Variants in JAK1 observed in about 807,000 individuals in gnomAD.
The protein encoded by JAK1 is tyrosine-protein kinase JAK1.
A neutral mutation model predicts 136.6 loss-of-function variants in JAK1; 16 were observed. The observed-to-expected ratio is 0.12, with a 90% CI of 0.08 to 0.18. The LOEUF (loss-of-function observed/expected upper bound fraction) is 0.18. Among genes scored for constraint, JAK1 ranks in the 10% least tolerant of loss-of-function variants. JAK1 has a pLI of 1.00. For missense variants in JAK1, 859 were observed against 1,450.1 expected, an observed-to-expected ratio of 0.59 and a Z score of 6.62; for synonymous variants, 492 against 519.5, an observed-to-expected ratio of 0.95 and a Z score of 0.72.
intron 1 of JAK1, among the ~76,000 whole-genome samples, chr1:64,891,719 T>C (rs1440058772): frequency 1.3e-5 from 2 of 152,212 alleles, no homozygotes; most frequent in Non-Finnish European, 2.9e-5. Context: ...CATCACAAGA[T>C]ACTGTAAAGC....
chr1:65,031,544 G>C (rs1278277617), intron 2 of JAK1, among the ~76,000 whole-genome samples: 1 of 152,210 alleles, frequency 6.6e-6, no homozygotes, highest in Admixed American at 6.5e-5. Flanking sequence ...TTTGACCTGG[G>C]AAAGTCAAAC....
chr1:64,841,276 C>T lies in JAK1; in HGVS notation c.2618G>A (p.Arg873His), dbSNP rs1358494508. The change falls in exon 19 of 25, where the codon CGC becomes CAC. Residue 873 changes from arginine to histidine, a missense_variant. By Grantham distance (29) the Arg-to-His change is conservative. Transcript: ENST00000342505. ...TEVDPTHFEK[R>H]FLKRIRDLGE... ...CAAGTCACGGATCCTCTTTAGGAAG[C>T]GCTTTTCAAAATGTGTGGGGTCCAC... 2 of 1,614,004 alleles carry T rather than the reference C, an allele frequency of 1.2e-6. No homozygotes were observed. Among genetic ancestry groups the T allele is most frequent in the East Asian group, 2.2e-5 (1 of 44,878 alleles).
intron 2 of JAK1, among the ~76,000 whole-genome samples, chr1:65,001,961 G>A (rs139649040): frequency 1.3e-5 from 2 of 151,886 alleles, no homozygotes. Flanking sequence ...ATGTCCCCAG[G>A]AGTGCTGCAA....
chr1:65,062,368 C>T (rs1030083733), intron 1 of JAK1, among the ~76,000 whole-genome samples: 1 of 152,238 alleles, frequency 6.6e-6, no homozygotes, highest in Non-Finnish European at 1.5e-5. Context: ...TGATCCACCC[C>T]TGGCTAAACA....
chr1:64,946,819 CCAA>C (rs1236946542), intron 1 of JAK1, among the ~76,000 whole-genome samples: 5 of 152,122 alleles, frequency 3.3e-5, no homozygotes, highest in African/African-American at 1.2e-4. Flanking sequence ...ACCCAAGCAT[CCAA>C]CAACATAGAT....
At chr1:65,015,732 T>C (rs1036517976) in intron 2 of JAK1, among the ~76,000 whole-genome samples, 9 of 152,192 alleles carry the variant, frequency 5.9e-5, no homozygotes, top group African/African-American at 2.2e-4. Context: ...TTTATGTTAA[T>C]AGTACACAAA....
At chr1:64,853,939 G>A (rs1316978001) in intron 11 of JAK1, among the ~76,000 whole-genome samples, 1 of 152,186 alleles carries the variant, frequency 6.6e-6, no homozygotes, top group Non-Finnish European at 1.5e-5. Flanking sequence ...CCTCAACTGG[G>A]GTTCGTTCCA....
At chr1:64,930,947 A>G (rs1183002798) in intron 1 of JAK1, among the ~76,000 whole-genome samples, 1 of 146,138 alleles carries the variant, frequency 6.8e-6, no homozygotes, top group Admixed American at 6.8e-5. Flanking sequence ...GAGTTGAACA[A>G]TGAGAACACA....
At chr1:64,924,165 T>C (rs549544808) in intron 1 of JAK1, among the ~76,000 whole-genome samples, 32 of 152,302 alleles carry the variant, frequency 2.1e-4, no homozygotes, top group African/African-American at 7.2e-4. Flanking sequence ...ATAAAAATGG[T>C]AAACAGCTTT....
chr1:64,988,954 A>ATATG (rs140231656), intron 2 of JAK1, among the ~76,000 whole-genome samples: 2 of 132,154 alleles, frequency 1.5e-5, no homozygotes, highest in Non-Finnish European at 3.4e-5. Context: ...ATGTGTATAT[A>ATATG]TATGTATGTA....
At chr1:64,855,744 G>A in intron 10 of JAK1, 46 bp from the exon 11 acceptor site, 2 of 1,536,808 alleles carry the variant, frequency 1.3e-6, no homozygotes, top group Non-Finnish European at 1.8e-6. Context: ...ATGGGGTCAG[G>A]CATGGGTATG....
At chr1:64,914,677 C>T (rs1305084859) in intron 1 of JAK1, among the ~76,000 whole-genome samples, 1 of 152,170 alleles carries the variant, frequency 6.6e-6, no homozygotes, top group Non-Finnish European at 1.5e-5. Flanking sequence ...GATTCTCCTG[C>T]CTCAGTCTCC....
intron 1 of JAK1, among the ~76,000 whole-genome samples, chr1:64,928,787 A>AAAAAAAAAC (rs1553170004): frequency 1.5e-4 from 14 of 92,616 alleles, no homozygotes; most frequent in African/African-American, 2.1e-4. Context: ...GCAAAAAAAA[A>AAAAAAAAAC]AAAAAAAAAC....
rs961093377 is a variant in JAK1 at position 64,833,601 on chromosome 1, T to C, written c.*961A>G. The C allele has an allele frequency of 3.0e-5, 7 of 232,884 alleles. No homozygotes were observed. Among genetic ancestry groups the C allele is most frequent in the African/African-American group, 6.6e-5 (3 of 45,324 alleles). 14.4% of individuals were successfully genotyped at this position (232,884 alleles called of 1,614,324 possible). A position where few individuals can be genotyped will look rare whatever the true frequency, so the allele number is the denominator to read the frequency against. ...CAAGTGTTGCACCACAGGGTGATGATTGATGGTAAAAACAGGGATCAACCC... is the reference window on the plus strand; with the variant it reads ...CAAGTGTTGCACCACAGGGTGATGACTGATGGTAAAAACAGGGATCAACCC... On this transcript the variant is annotated 3_prime_UTR_variant, in exon 25 of 25. Coordinates refer to ENST00000342505, the MANE Select transcript of JAK1 (RefSeq NM_002227.4).
chr1:64,890,827 T>C (rs1644924423), intron 1 of JAK1, among the ~76,000 whole-genome samples: 1 of 152,170 alleles, frequency 6.6e-6, no homozygotes, highest in South Asian at 2.1e-4. Context: ...CAAAACCCCA[T>C]TTCATAAAGC....
chr1:64,860,981 T>TGTGTGTATGTG (rs1656294523), intron 8 of JAK1, among the ~76,000 whole-genome samples: 1 of 130,938 alleles, frequency 7.6e-6, no homozygotes, highest in Non-Finnish European at 1.6e-5. Flanking sequence ...TGTGTGTGTG[T>TGTGTGTATGTG]TGGGGGTGAC....
intron 1 of JAK1, among the ~76,000 whole-genome samples, chr1:64,913,703 A>AAG (rs1306900538): frequency 5.9e-4 from 8 of 13,636 alleles, no homozygotes; most frequent in Non-Finnish European, 9.3e-4. Context: ...AAGGAAGGAA[A>AAG]GAAGGGAGGG....
chr1:64,917,332 T>C (rs1386463483), intron 1 of JAK1, among the ~76,000 whole-genome samples: 1 of 152,108 alleles, frequency 6.6e-6, no homozygotes, highest in African/African-American at 2.4e-5. Flanking sequence ...AAGATACAGT[T>C]AGACATCAAA....
intron 2 of JAK1, among the ~76,000 whole-genome samples, chr1:65,041,031 C>G (rs745423537): frequency 6.6e-6 from 1 of 152,088 alleles, no homozygotes; most frequent in Non-Finnish European, 1.5e-5. Flanking sequence ...GGTATCATCA[C>G]GGAAAAAGAG....
Sources: gnomAD v4.1 joint callset for allele counts (sites outside exome capture counted in the v4.1 genomes callset) on GRCh38, gnomAD v4.1.1 for gene constraint, MANE v1.5 for transcripts, NCBI Gene and HGNC (gene_info 2026-07-23, HGNC 2026-07-21) for gene names.